Variants in PID1 observed in about 807,000 individuals in gnomAD.
PID1 encodes the protein PTB-containing, cubilin and LRP1-interacting protein.
Under a neutral mutation model 19.1 loss-of-function variants are expected in PID1, and 10 were observed. That is an observed-to-expected ratio of 0.52 (90% confidence interval 0.32 to 0.89). The LOEUF is 0.89. Ranked by LOEUF, PID1 falls within the 40% of genes least tolerant of loss-of-function variation. PID1 has a pLI of 0.03. For synonymous variants in PID1, 130 were observed against 116.0 expected (o/e 1.12, Z -0.78); for missense variants, 248 against 285.3 (o/e 0.87, Z 0.94).
intron 2 of PID1, among the ~76,000 whole-genome samples, chr2:229,075,190 T>C (rs764095392): frequency 6.6e-6 from 1 of 152,218 alleles, no homozygotes; most frequent in Non-Finnish European, 1.5e-5. Context: ...ACGTAACGCA[T>C]AATGCTACCC....
intron 2 of PID1, among the ~76,000 whole-genome samples, chr2:229,074,975 A>G (rs1469408527): frequency 6.6e-6 from 1 of 152,222 alleles, no homozygotes; most frequent in Non-Finnish European, 1.5e-5. Context: ...CTGACTTACA[A>G]TGGGGTTGCA....
At chr2:229,233,969 T>C (rs1279455144) in intron 1 of PID1, among the ~76,000 whole-genome samples, 1 of 152,194 alleles carries the variant, frequency 6.6e-6, no homozygotes, top group Admixed American at 6.5e-5. Flanking sequence ...AGCATATGAC[T>C]TGGAAGGCTA....
At chr2:229,188,309 A>C (rs2106228401) in intron 1 of PID1, among the ~76,000 whole-genome samples, 1 of 151,646 alleles carries the variant, frequency 6.6e-6, no homozygotes, top group East Asian at 1.9e-4. Flanking sequence ...TTTGGGATGC[A>C]TTTGCTTCTC....
chr2:229,245,513 T>C (rs998104752), intron 1 of PID1, among the ~76,000 whole-genome samples: 8 of 152,174 alleles, frequency 5.3e-5, no homozygotes, highest in Non-Finnish European at 1.2e-4. Flanking sequence ...GCACATTACA[T>C]TAAAAATTCT....
At chr2:229,109,781 A>T (rs1014177051) in intron 2 of PID1, among the ~76,000 whole-genome samples, 1 of 152,244 alleles carries the variant, frequency 6.6e-6, no homozygotes, top group African/African-American at 2.4e-5. Context: ...CAACAGATCC[A>T]TGTCTGGAGA....
chr2:229,026,641 G>A (rs901267803), intron 2 of PID1, among the ~76,000 whole-genome samples: 3 of 152,168 alleles, frequency 2.0e-5, no homozygotes, highest in Middle Eastern at 3.2e-3. Flanking sequence ...CTGTTCTCTT[G>A]AAATTATGGC....
chr2:229,033,837 G>T (rs774141713), intron 2 of PID1, among the ~76,000 whole-genome samples: 3 of 152,160 alleles, frequency 2.0e-5, no homozygotes, highest in African/African-American at 4.8e-5. Context: ...ATGAGAAAAA[G>T]AAAAGCTGCT....
chr2:229,179,568 C>T lies in PID1; in HGVS notation c.31-23604G>A, dbSNP rs553224574. Among the ~76,000 whole-genome samples, 6 of 152,198 alleles carry T rather than the reference C, an allele frequency of 3.9e-5. No homozygotes were observed. The East Asian group carries it at 5.8e-4, about 15-fold the overall frequency. On this transcript the variant is annotated intron_variant, in intron 1 of 2. Transcript: ENST00000392055. The stretch of plus-strand genomic sequence containing the variant: ...CATACCATTTAAAAAGAGCTCATAG[C>T]GTCCATTTAGTAAGACTGAACCATT...
intron 2 of PID1, 63 bp from the exon 3 acceptor site, chr2:229,026,171 T>C (rs1693418419): frequency 1.9e-6 from 2 of 1,080,816 alleles, no homozygotes; most frequent in African/African-American, 1.5e-5. Context: ...TCTGATAGAC[T>C]GAATGAGTAG....
intron 1 of PID1, among the ~76,000 whole-genome samples, chr2:229,268,748 C>T (rs1235330493): frequency 2.0e-5 from 3 of 152,026 alleles, no homozygotes; most frequent in Non-Finnish European, 4.4e-5. Flanking sequence ...TCTCTGTGGC[C>T]ACAGAGCCTG....
intron 2 of PID1, among the ~76,000 whole-genome samples, chr2:229,085,407 A>G (rs1008101756): frequency 1.1e-4 from 16 of 152,154 alleles, no homozygotes; most frequent in African/African-American, 3.9e-4. Context: ...AAGTCATTTC[A>G]TTTACCTTTG....
At chr2:229,074,417 G>A (rs556059784) in intron 2 of PID1, among the ~76,000 whole-genome samples, 1 of 152,054 alleles carries the variant, frequency 6.6e-6, no homozygotes, top group South Asian at 2.1e-4. Context: ...GAAGAAGAGA[G>A]GGAAGAAGGG....
intron 2 of PID1, among the ~76,000 whole-genome samples, chr2:229,125,462 A>G (rs1240037679): frequency 6.6e-6 from 1 of 152,154 alleles, no homozygotes; most frequent in Non-Finnish European, 1.5e-5. Context: ...ACATACTTAA[A>G]AGTTCTTCTC....
intron 1 of PID1, among the ~76,000 whole-genome samples, chr2:229,174,298 T>C (rs1690769534): frequency 6.6e-6 from 1 of 152,174 alleles, no homozygotes; most frequent in Non-Finnish European, 1.5e-5. Flanking sequence ...CTCAATTCAA[T>C]TCAATAAGTA....
chr2:229,219,802 T>TGAGCCACTGTGCCTGGCC (rs1340313721), intron 1 of PID1, among the ~76,000 whole-genome samples: 1 of 151,958 alleles, frequency 6.6e-6, no homozygotes, highest in Non-Finnish European at 1.5e-5. Flanking sequence ...TTTATAGGCA[T>TGAGCCACTGTGCCTGGCC]GAGCCACTGT....
intron 1 of PID1, chr2:229,227,868 A>G (rs1234890830): frequency 1.4e-5 from 6 of 423,654 alleles, no homozygotes; most frequent in Admixed American, 1.0e-4. Flanking sequence ...CATTTACACT[A>G]TATTAGGTAT....
At chr2:229,042,262 G>A (rs1693787280) in intron 2 of PID1, among the ~76,000 whole-genome samples, 1 of 152,018 alleles carries the variant, frequency 6.6e-6, no homozygotes, top group Non-Finnish European at 1.5e-5. Context: ...AGAAACCTAT[G>A]TATATTGAAA....
intron 2 of PID1, among the ~76,000 whole-genome samples, chr2:229,122,403 C>G (rs1695541958): frequency 6.6e-6 from 1 of 152,050 alleles, no homozygotes; most frequent in Non-Finnish European, 1.5e-5. Context: ...ATAAGGGAAC[C>G]CAGGAATAGC....
chr2:229,150,001 G>A (rs1690215789), intron 2 of PID1, among the ~76,000 whole-genome samples: 1 of 152,144 alleles, frequency 6.6e-6, no homozygotes, highest in Non-Finnish European at 1.5e-5. Context: ...ACTTTGGGAG[G>A]CCGAGGCGGG....
Sources: allele counts gnomAD v4.1 joint callset (sites outside exome capture counted in the v4.1 genomes callset), GRCh38; gene constraint gnomAD v4.1.1; transcripts MANE v1.5; gene names NCBI Gene and HGNC (gene_info 2026-07-23, HGNC 2026-07-21).